NCOA1: variants seen among roughly 807,000 people sequenced by gnomAD.
NCOA1 encodes the protein nuclear receptor coactivator 1.
In NCOA1, 35 loss-of-function variants were observed where a neutral mutation model predicts 150.9. The observed-to-expected ratio is 0.23, with a 90% CI of 0.18 to 0.31. The LOEUF is 0.31. NCOA1 is among the 10% of genes least tolerant of loss of function. NCOA1 has a pLI of 1.00. For missense variants in NCOA1, 1,491 were observed against 1,749.3 expected, an observed-to-expected ratio of 0.85 and a Z score of 2.63; for synonymous variants, 590 against 630.0, an observed-to-expected ratio of 0.94 and a Z score of 0.95.
chr2:24,679,716 A>G (rs1222846895), intron 7 of NCOA1, among the ~76,000 whole-genome samples: 2 of 152,304 alleles, frequency 1.3e-5, no homozygotes, highest in East Asian at 3.9e-4. Flanking sequence ...AACCCAATTT[A>G]GATATGAGTG....
intron 4 of NCOA1, among the ~76,000 whole-genome samples, chr2:24,647,665 A>G (rs1040203623): frequency 8.5e-5 from 13 of 152,064 alleles, no homozygotes; most frequent in Admixed American, 4.6e-4. Context: ...TACATGCTCA[A>G]TATATATATA....
intron 1 of NCOA1, among the ~76,000 whole-genome samples, chr2:24,516,955 A>ATATATACGTATATATACGTATATATACGT (rs1558758490): frequency 4.3e-5 from 3 of 70,114 alleles, no homozygotes; most frequent in Non-Finnish European, 8.7e-5. Context: ...TATATATACA[A>ATATATACGTATATATACGTATATATACGT]GTATATATAC....
intron 1 of NCOA1, among the ~76,000 whole-genome samples, chr2:24,556,970 T>G (rs1395895234): frequency 1.3e-4 from 19 of 151,834 alleles, no homozygotes. Context: ...ACCTTGATAC[T>G]ATTGATATTT....
At chr2:24,502,272 G>C (rs1484204764) in intron 1 of NCOA1, among the ~76,000 whole-genome samples, 1 of 152,174 alleles carries the variant, frequency 6.6e-6, no homozygotes, top group East Asian at 1.9e-4. Flanking sequence ...CTGAATTTCA[G>C]CTTTCTAGAA....
intron 1 of NCOA1, among the ~76,000 whole-genome samples, chr2:24,497,954 GTTAAAACA>G (rs1182383407): frequency 2.6e-5 from 4 of 152,092 alleles, no homozygotes. Context: ...TGCCTATATA[GTTAAAACA>G]TTTACATACT....
intron 1 of NCOA1, among the ~76,000 whole-genome samples, chr2:24,542,779 TACTA>T (rs954936239): frequency 3.7e-4 from 57 of 152,348 alleles, no homozygotes; most frequent in African/African-American, 1.3e-3. Flanking sequence ...TCAGAAATTA[TACTA>T]ACTTTTTACT....
At chr2:24,542,668 A>T (rs1474183703) in intron 1 of NCOA1, among the ~76,000 whole-genome samples, 2 of 152,164 alleles carry the variant, frequency 1.3e-5, no homozygotes, top group Non-Finnish European at 2.9e-5. Context: ...GTCTCTCTGC[A>T]AGTTCGTAAG....
At chr2:24,583,933 A>T (rs1167127862) in intron 2 of NCOA1, among the ~76,000 whole-genome samples, 2 of 152,176 alleles carry the variant, frequency 1.3e-5, no homozygotes, top group African/African-American at 2.4e-5. Context: ...TGGATAACAG[A>T]TACAAAATTA....
At chr2:24,570,212 A>T (rs1368979565) in intron 2 of NCOA1, among the ~76,000 whole-genome samples, 1 of 152,196 alleles carries the variant, frequency 6.6e-6, no homozygotes, top group Admixed American at 6.5e-5. Flanking sequence ...TTTACTAAAA[A>T]TAAAGAACAA....
At chr2:24,662,002 A>G (rs1411281268) in intron 5 of NCOA1, among the ~76,000 whole-genome samples, 2 of 152,234 alleles carry the variant, frequency 1.3e-5, no homozygotes, top group Non-Finnish European at 2.9e-5. Context: ...ATTTGAAAGT[A>G]CCATCTCCTT....
At chr2:24,552,055 T>A (rs1232071801) in intron 1 of NCOA1, among the ~76,000 whole-genome samples, 1 of 152,034 alleles carries the variant, frequency 6.6e-6, no homozygotes, top group Non-Finnish European at 1.5e-5. Context: ...TGTAGCTTTA[T>A]GGAAAGTCTT....
At chr2:24,729,896 T>C (rs919755664) in intron 17 of NCOA1, 81 bp downstream of exon 17, 2 of 1,423,930 alleles carry the variant, frequency 1.4e-6, no homozygotes, top group Non-Finnish European at 9.5e-7. Context: ...GTGTGGCTAG[T>C]GTGCAGTAGT....
intron 3 of NCOA1, among the ~76,000 whole-genome samples, chr2:24,639,153 A>G (rs1173564128): frequency 6.6e-6 from 1 of 152,110 alleles, no homozygotes; most frequent in African/African-American, 2.4e-5. Context: ...TAAGATTGCT[A>G]TTATTACTTC....
chr2:24,564,527 A>G (rs546730117), intron 2 of NCOA1, 97 bp downstream of exon 2: 2 of 152,182 alleles, frequency 1.3e-5, no homozygotes, highest in African/African-American at 2.4e-5. Flanking sequence ...AAAAGTACTT[A>G]TATGTTAGAA....
At chr2:24,666,023 A>T (rs202220979) in intron 6 of NCOA1, 108 bp downstream of exon 6, 128,596 of 683,848 alleles carry the variant, frequency 0.19, 11,676 homozygotes, top group Non-Finnish European at 0.21. Context: ...TATTATTATT[A>T]TTTTTTGAGA....
rs373731934 is a variant in NCOA1, at chr2:24,550,880, G to A, written c.-395-13415G>A. On this transcript the variant is annotated intron_variant, in intron 1 of 22. Coordinates refer to ENST00000348332, the MANE Select transcript of NCOA1 (RefSeq NM_003743.5). Reference sequence around the variant, plus strand: ...TCCCAGCACTTTGGGAGGCCAAGGCGGGTGGATCACTTGAGGTCAGGAGTT... The same window carrying A: ...TCCCAGCACTTTGGGAGGCCAAGGCAGGTGGATCACTTGAGGTCAGGAGTT... 4.8e-4 allele frequency among the ~76,000 whole-genome samples: 73 copies of A among 152,236 alleles called. 2 individuals are homozygous for A. The East Asian group carries it at 6.9e-3, about 14-fold the overall frequency.
chr2:24,618,087 A>C (rs1668955286), intron 3 of NCOA1, among the ~76,000 whole-genome samples: 1 of 152,220 alleles, frequency 6.6e-6, no homozygotes, highest in Admixed American at 6.5e-5. Context: ...TAGATAGTAC[A>C]GCTATGGGTG....
chr2:24,497,883 G>C (rs1663291308), intron 1 of NCOA1, among the ~76,000 whole-genome samples: 1 of 151,908 alleles, frequency 6.6e-6, no homozygotes, highest in Admixed American at 6.6e-5. Flanking sequence ...CAAATTGCTT[G>C]GTCATTCTCT....
chr2:24,630,567 A>C (rs545354241), intron 3 of NCOA1, among the ~76,000 whole-genome samples: 7 of 152,282 alleles, frequency 4.6e-5, no homozygotes, highest in Non-Finnish European at 7.4e-5. Flanking sequence ...AATTCTTGCC[A>C]CTTACTAATG....
Sources: gnomAD v4.1 joint callset for allele counts (sites outside exome capture counted in the v4.1 genomes callset) on GRCh38, gnomAD v4.1.1 for gene constraint, MANE v1.5 for transcripts, NCBI Gene and HGNC (gene_info 2026-07-23, HGNC 2026-07-21) for gene names.